LRRC37A3: variants seen among roughly 807,000 people sequenced by gnomAD.
LRRC37A3 encodes the protein leucine-rich repeat-containing protein 37A3.
In LRRC37A3, 25 loss-of-function variants were observed where a neutral mutation model predicts 106.2. That is an observed-to-expected ratio of 0.24 (90% CI 0.17 to 0.33). The LOEUF is 0.33. Ranked by LOEUF, LRRC37A3 falls within the 10% of genes least tolerant of loss-of-function variation. The pLI is 1.00. For missense variants in LRRC37A3, 712 were observed against 1,644.9 expected, an observed-to-expected ratio of 0.43 and a Z score of 9.81; for synonymous variants, 305 against 635.8, an observed-to-expected ratio of 0.48 and a Z score of 7.83.
chr17:64,859,610 C>T lies in LRRC37A3; in HGVS notation c.4536G>A (p.Val1512=), dbSNP rs1483503040. ...KMDCSGAHVQ[V]TCAKLVSRTG... ...TCCTGGAGACGAGCTTGGCACAGGT[C>T]ACTTGCACATGGGCCCCAGAGCAGT... Residue 1512 remains valine, a synonymous_variant, in exon 12 of 15, where the codon GTG becomes GTA. Transcript: ENST00000584306. 2.5e-6 allele frequency: 4 copies of T among 1,613,196 alleles called. No individual in the cohort carries two copies. The highest frequency in any genetic ancestry group is 3.4e-6 in the Non-Finnish European group (4 of 1,179,942).
Position 64,859,710 on chromosome 17 carries a change from T to C in LRRC37A3, c.4436A>G (p.Gln1479Arg), listed in dbSNP as rs151304221. 5.0e-6 allele frequency: 8 copies of C among 1,613,526 alleles called. No individual in the cohort carries two copies. In the African/African-American group the frequency reaches 8.0e-5, roughly 16 times the overall value. The change falls in exon 12 of 15, where the codon CAG becomes CGG. Residue 1479 changes from glutamine to arginine, a missense_variant. Coordinates refer to ENST00000584306, the MANE Select transcript of LRRC37A3 (RefSeq NM_199340.5). ...PGDQFEIQLTQQLQSVIPNNN... is the reference protein window; with the variant it reads ...PGDQFEIQLTRQLQSVIPNNN... The stretch of plus-strand genomic sequence containing the variant: ...GTTGGGGATAACGGACTGCAGCTGC[T>C]GGGTTAGCTGAATTTCAAACTGATC...
At position 64,917,725 on chromosome 17, in the gene LRRC37A3, G is replaced by A. The variant is rs1334585331; in HGVS notation, c.-496+1025C>T. Among the ~76,000 whole-genome samples the A allele has an allele frequency of 2.0e-5, 3 of 152,292 alleles. No homozygotes were observed. In the East Asian group the frequency reaches 5.8e-4, roughly 29 times the overall value. On this transcript the variant is annotated intron_variant, in intron 2 of 14. Transcript: ENST00000584306. Reference sequence around the variant, plus strand: ...CTCACACCTGTAATCCCGGCACTATGGGAGGCCGAGGCCGGCGGATTACCT... The same window carrying A: ...CTCACACCTGTAATCCCGGCACTATAGGAGGCCGAGGCCGGCGGATTACCT...
Position 64,860,925 on chromosome 17 carries a change from A to C in LRRC37A3, c.3221T>G (p.Leu1074Ter). 2.5e-6 allele frequency: 4 copies of C among 1,614,014 alleles called. No individual in the cohort carries two copies. The highest frequency in any genetic ancestry group is 2.5e-6 in the Non-Finnish European group (3 of 1,179,938). Residue 1074 changes from leucine (L) to a stop codon, truncating the protein, a stop_gained, in exon 12 of 15, where the codon TTA (leucine) becomes TGA (stop). Coordinates refer to ENST00000584306, the MANE Select transcript of LRRC37A3 (RefSeq NM_199340.5). LOFTEE classifies it high-confidence loss of function. ...GNPEGAFMKV[L>*]QARKNYTSTE... ...GCTTGTGTAATTCTTCCGGGCTTGT[A>C]ACACCTTCATGAACGCTCCTTCTGG...
chr17:64,916,920 A>C (rs1007343912), intron 2 of LRRC37A3, among the ~76,000 whole-genome samples: 1 of 148,048 alleles, frequency 6.8e-6, no homozygotes, highest in Non-Finnish European at 1.5e-5. Flanking sequence ...AGAAGCTACC[A>C]CCATATACTT....
At chr17:64,871,744 T>G (rs1362074695) in intron 8 of LRRC37A3, 1 of 152,092 alleles carries the variant, frequency 6.6e-6, no homozygotes, top group Non-Finnish European at 1.5e-5. Flanking sequence ...TCCTTCTTCC[T>G]TTGCCTCCCG....
In LRRC37A3 at chr17:64,909,240, A is replaced by G. The variant is rs965670855; in HGVS notation, c.-496+9510T>C. Among the ~76,000 whole-genome samples, 18 of 152,218 alleles carry G rather than the reference A, an allele frequency of 1.2e-4. 1 individual carries two copies. The highest frequency in any genetic ancestry group is 2.1e-4 in the Non-Finnish European group (14 of 68,030). The stretch of plus-strand genomic sequence containing the variant: ...AAGTTATCTTCGAACTTTGCTACTC[A>G]TTGAATGTCATGAAGATATTGGAAA... On this transcript the variant is annotated intron_variant, in intron 2 of 14. Transcript: ENST00000584306.
intron 2 of LRRC37A3, chr17:64,900,151 TCA>T (rs1974268525): frequency 2.6e-5 from 4 of 151,878 alleles, no homozygotes; most frequent in Non-Finnish European, 4.4e-5. Context: ...TTTTCATGCC[TCA>T]GTTTCCCAAG....
At chr17:64,919,187 CG>C (rs1974774491) in intron 1 of LRRC37A3, among the ~76,000 whole-genome samples, 1 of 151,680 alleles carries the variant, frequency 6.6e-6, no homozygotes, top group Admixed American at 6.6e-5. Context: ...GCGGCGGCGG[CG>C]GGGCCGGGGC....
intron 11 of LRRC37A3, 23 bp downstream of exon 11, chr17:64,862,877 A>G: frequency 6.3e-7 from 1 of 1,599,050 alleles, no homozygotes; most frequent in East Asian, 2.2e-5. Flanking sequence ...GTAACAATTT[A>G]TCACCATGCA....
chr17:64,913,336 G>GTTT (rs1567788647), intron 2 of LRRC37A3, among the ~76,000 whole-genome samples: 12 of 125,480 alleles, frequency 9.6e-5, no homozygotes, highest in South Asian at 4.6e-4. Context: ...GCCTATTTTG[G>GTTT]GTTTTTTTTT....
chr17:64,918,515 A>G (rs1356963101), intron 2 of LRRC37A3, among the ~76,000 whole-genome samples: 1 of 152,270 alleles, frequency 6.6e-6, no homozygotes, highest in Non-Finnish European at 1.5e-5. Context: ...CTTTATTCCT[A>G]GAATAAAGTT....
Position 64,859,492 on chromosome 17 carries a change from T to C in LRRC37A3, c.4654A>G (p.Ile1552Val), listed in dbSNP as rs779370120. 6.2e-7 allele frequency: 1 copy of C among 1,611,920 alleles called. No individual in the cohort carries two copies. Among genetic ancestry groups the C allele is most frequent in the South Asian group, 1.1e-5 (1 of 90,874 alleles). Residue 1552 changes from isoleucine to valine, a missense_variant, in exon 12 of 15, where the codon ATT becomes GTT. Transcript: ENST00000584306. Reference protein sequence around the residue: ...DTDQWKTENYINESTEAQSEQ... With the variant: ...DTDQWKTENYVNESTEAQSEQ... ...CTCTGGGCTTCTGTGCTCTCATTAA[T>C]GTAGTTCTCAGTCTTCCATTGGTCC...
chr17:64,870,825 T>C (rs1598403823), intron 8 of LRRC37A3, among the ~76,000 whole-genome samples: 1 of 151,756 alleles, frequency 6.6e-6, no homozygotes, highest in Non-Finnish European at 1.5e-5. Context: ...CCCTTCCTTC[T>C]ATTTTCTTTC....
rs577672878 is a variant in LRRC37A3 at position 64,855,113 on chromosome 17, G to A, written c.4860-469C>T. ...TGTGATTACAGGCATGAGCCATCCT[G>A]CCTGGCCTTTCTGGTTAAAATTCTG... On this transcript the variant is annotated intron_variant, in intron 14 of 14. Coordinates refer to ENST00000584306, the MANE Select transcript of LRRC37A3 (RefSeq NM_199340.5). 1.6e-4 allele frequency among the ~76,000 whole-genome samples: 24 copies of A among 152,230 alleles called. No individual in the cohort carries two copies. The South Asian group carries it at 4.6e-3, about 29-fold the overall frequency.
Position 64,862,905 on chromosome 17 carries a change from T to C in LRRC37A3, c.3167A>G (p.His1056Arg), listed in dbSNP as rs762015475. 5.0e-6 allele frequency: 8 copies of C among 1,599,226 alleles called. No homozygotes were observed. The South Asian group carries it at 6.6e-5, about 13-fold the overall frequency. The part of the protein sequence containing the change: ...CNSACLTNTT[H>R]CPEEASVGNP... Reference sequence around the variant, plus strand: ...ACCATGCAATTTGGACTCACGACAATGTGTGGTGTTTGTCAGACATGCACT... The same window carrying C: ...ACCATGCAATTTGGACTCACGACAACGTGTGGTGTTTGTCAGACATGCACT... Residue 1056 changes from histidine to arginine, a missense_variant, in exon 11 of 15, where the codon CAT becomes CGT. His to Arg is a conservative substitution (Grantham distance 29, BLOSUM62 0). Transcript: ENST00000584306.
At position 64,909,343 on chromosome 17, in the gene LRRC37A3, C is replaced by T. The variant is rs373915422; in HGVS notation, c.-496+9407G>A. On this transcript the variant is annotated intron_variant, in intron 2 of 14. Coordinates refer to ENST00000584306, the MANE Select transcript of LRRC37A3 (RefSeq NM_199340.5). The stretch of plus-strand genomic sequence containing the variant: ...TATCACATTTCAGAGAAATTCAGAA[C>T]CTCAGGCCTAAACCCAGGCCTACTA... Among the ~76,000 whole-genome samples, 9 of 152,286 alleles carry T rather than the reference C, an allele frequency of 5.9e-5. No individual in the cohort carries two copies. The South Asian group carries it at 1.7e-3, about 28-fold the overall frequency.
Position 64,854,421 on chromosome 17 carries a change from T to C in LRRC37A3, c.*178A>G. 1 of 907,786 alleles carries C rather than the reference T, an allele frequency of 1.1e-6. No individual in the cohort carries two copies. Among genetic ancestry groups the C allele is most frequent in the Non-Finnish European group, 1.7e-6 (1 of 590,858 alleles). 56.2% of individuals were successfully genotyped at this position (907,786 alleles called of 1,614,324 possible). ...AAATCTCCACCCCCTGAGCATATGT[T>C]TTCAGGTCTGGGTGACTAATTAGAC... On this transcript the variant is annotated 3_prime_UTR_variant, in exon 15 of 15. Transcript: ENST00000584306.
At chr17:64,858,971 T>TTA (rs1972772968) in intron 12 of LRRC37A3, 88 bp from the exon 13 acceptor site, 1 of 910,240 alleles carries the variant, frequency 1.1e-6, no homozygotes, top group Non-Finnish European at 1.7e-6. Flanking sequence ...TTTATTTTTT[T>TTA]GAAAGAGGGT....
At chr17:64,873,353 T>A (rs1973385141) in intron 8 of LRRC37A3, among the ~76,000 whole-genome samples, 1 of 151,570 alleles carries the variant, frequency 6.6e-6, no homozygotes, top group Non-Finnish European at 1.5e-5. Context: ...ATAGGTGGGG[T>A]CTTGCGAAGT....
Sources: allele counts gnomAD v4.1 joint callset (sites outside exome capture counted in the v4.1 genomes callset), GRCh38; gene constraint gnomAD v4.1.1; transcripts MANE v1.5; gene names NCBI Gene and HGNC (gene_info 2026-07-23, HGNC 2026-07-21).